Variants in IL15RA observed in about 807,000 individuals in gnomAD.
The protein encoded by IL15RA is interleukin-15 receptor subunit alpha.
In IL15RA, 26 loss-of-function variants were observed where a neutral mutation model predicts 24.2. The ratio of observed to expected loss-of-function variants is 1.07; its 90% CI spans 0.79 to 1.49. The LOEUF (loss-of-function observed/expected upper bound fraction) is 1.49, where lower values mean the gene tolerates loss of function less well. Among genes scored for constraint, IL15RA ranks in the 40% most tolerant of loss-of-function variants. The probability of loss-of-function intolerance (pLI) is 0.00; values close to 1 mark genes in which losing one functional copy is unlikely to be tolerated. For synonymous variants in IL15RA, 166 were observed against 157.6 expected, an observed-to-expected ratio of 1.05 and a Z score of -0.40; for missense variants, 354 against 356.4, an observed-to-expected ratio of 0.99 and a Z score of 0.05.
rs536206265 is a variant in IL15RA at position 5,965,865 on chromosome 10, C to A, written c.283+280G>T. ...CCTCCCAAGTAGCTGGGATTACAGGCGCCTGCCACCACGCCCGGCTACTTT... is the reference window on the plus strand; with the variant it reads ...CCTCCCAAGTAGCTGGGATTACAGGAGCCTGCCACCACGCCCGGCTACTTT... On this transcript the variant is annotated intron_variant, in intron 2 of 6. Coordinates refer to ENST00000379977, the MANE Select transcript of IL15RA (RefSeq NM_002189.4). This position sits in a 1 kb window ranked among gnomAD's most constrained non-coding sequence, Gnocchi z 5.8. Among the ~76,000 whole-genome samples the A allele has an allele frequency of 1.7e-3, 262 of 152,228 alleles. No homozygotes were observed. The highest frequency in any genetic ancestry group is 3.0e-3 in the Non-Finnish European group (205 of 68,024).
At position 5,977,338 on chromosome 10, in the gene IL15RA, C is replaced by T. The variant is rs568145524; in HGVS notation, c.88+67G>A. ...GCCCGGGGAGATGGGGCGCCCGGTT[C>T]CCTCCAGCTCCACGTCCCGGCCCCC... is the stretch of plus-strand genomic sequence containing the variant. On this transcript the variant is annotated intron_variant, in intron 1 of 6. Transcript: ENST00000379977. 6 of 754,392 alleles carry T rather than the reference C, an allele frequency of 8.0e-6. No individual in the cohort carries two copies. In the Admixed American group the frequency reaches 2.6e-4, roughly 33 times the overall value. The allele number at this position is 754,392 out of a possible 1,614,324, so 46.7% of individuals were successfully genotyped here.
chr10:5,966,720 G>A lies in IL15RA; in HGVS notation c.89-381C>T, dbSNP rs2132534411. Among the ~76,000 whole-genome samples the A allele has an allele frequency of 6.6e-6, 1 of 152,174 alleles. No individual in the cohort carries two copies. ...GCAAGTGCCTCCAGATAGGCCCCCT[G>A]CAGGCTCTCCCACAGGTCTCTGCGG... On this transcript the variant is annotated intron_variant, in intron 1 of 6. Transcript: ENST00000379977. This position sits in a 1 kb window ranked among gnomAD's most constrained non-coding sequence, Gnocchi z 6.4.
chr10:5,951,220 AC>A (rs768919182), downstream of IL15RA, among the ~76,000 whole-genome samples: 1 of 148,652 alleles, frequency 6.7e-6, no homozygotes, highest in Non-Finnish European at 1.5e-5. Flanking sequence ...AGTCCCAGCT[AC>A]TCCAGAGGCT....
downstream of IL15RA, among the ~76,000 whole-genome samples, chr10:5,951,159 AAAAAAAAAAAAAAAT>A (rs1383484614): frequency 5.4e-5 from 8 of 149,380 alleles, no homozygotes; most frequent in East Asian, 2.0e-4. Context: ...AAAAAAAAAA[AAAAAAAAAAAAAAAT>A]ATTAGCCAGG....
rs533422693 is a variant in IL15RA at position 5,960,716 on chromosome 10, T to C, written c.383-149A>G. The C allele has an allele frequency of 1.8e-4, 121 of 677,198 alleles. 1 individual carries two copies. In the Middle Eastern group the frequency reaches 2.0e-3, roughly 11 times the overall value. 41.9% of individuals were successfully genotyped at this position (677,198 alleles called of 1,614,324 possible). On this transcript the variant is annotated intron_variant, in intron 3 of 6. Coordinates refer to ENST00000379977, the MANE Select transcript of IL15RA (RefSeq NM_002189.4). This position sits in a 1 kb window ranked among gnomAD's most constrained non-coding sequence, Gnocchi z 5.1. ...CCAACTGCTCCTTGAGAGGGTGACA[T>C]AGCCGTTCCTCTGGAAGGGCCATAG...
rs542852900 is a variant in IL15RA, at chr10:5,966,829, G to A, written c.89-490C>T. Among the ~76,000 whole-genome samples, 6 of 152,110 alleles carry A rather than the reference G, an allele frequency of 3.9e-5. No individual in the cohort carries two copies. The highest frequency in any genetic ancestry group is 2.1e-4 in the South Asian group (1 of 4,800). ...TTATTAAAAATACAAAAAATTAGCCGGGCGTGGTGGCAGGCGCCTGTAATC... is the reference window on the plus strand; with the variant it reads ...TTATTAAAAATACAAAAAATTAGCCAGGCGTGGTGGCAGGCGCCTGTAATC... On this transcript the variant is annotated intron_variant, in intron 1 of 6. Coordinates refer to ENST00000379977, the MANE Select transcript of IL15RA (RefSeq NM_002189.4). The surrounding 1 kb of genome is among the most constrained non-coding windows in gnomAD (Gnocchi z 6.4).
intron 5 of IL15RA, among the ~76,000 whole-genome samples, chr10:5,956,663 AGTC>A: frequency 6.6e-6 from 1 of 152,332 alleles, no homozygotes; most frequent in South Asian, 2.1e-4. Context: ...GCCAGCTCCC[AGTC>A]GTCCCACACC....
chr10:5,949,206 CAGAG>C (rs778715086), downstream of IL15RA: 1 of 471,188 alleles, frequency 2.1e-6, no homozygotes, highest in South Asian at 1.5e-5. The surrounding 1 kb of genome is among the most constrained non-coding windows in gnomAD (Gnocchi z 4.4). Flanking sequence ...TTGTAATTGA[CAGAG>C]AGCCTCAGGT....
rs1835846338 is a variant in IL15RA at position 5,962,914 on chromosome 10, AC to A, written c.382+828del. Among the ~76,000 whole-genome samples the A allele has an allele frequency of 6.6e-6, 1 of 152,214 alleles. No homozygotes were observed. Among genetic ancestry groups the A allele is most frequent in the Non-Finnish European group, 1.5e-5 (1 of 68,044 alleles). ...ATCCAAGATTTCAAATTTTCTGAAC[AC>A]TGAGAAAGCGCTGAGGAAATTGGGC... On this transcript the variant is annotated intron_variant, in intron 3 of 6. Transcript: ENST00000379977. This position sits in a 1 kb window ranked among gnomAD's most constrained non-coding sequence, Gnocchi z 5.2.
chr10:5,960,514 T>G lies in IL15RA; in HGVS notation c.436A>C (p.Ile146Leu), dbSNP rs779785091. ...GGCATCAGCTGGGAGCCCGGGACAA[T>G]AGCTGCTGTTGTGGCCGCTGTGTTG... ...SNNTAATTAAIVPGSQLMPSK... is the reference protein window; with the variant it reads ...SNNTAATTAALVPGSQLMPSK... The change falls in exon 4 of 7, where the codon ATT becomes CTT. Residue 146 changes from isoleucine to leucine, a missense_variant. Ile to Leu is a conservative substitution (Grantham distance 5). Transcript: ENST00000379977. The surrounding 1 kb of genome is among the most constrained non-coding windows in gnomAD (Gnocchi z 5.1). The G allele has an allele frequency of 1.9e-6, 3 of 1,614,014 alleles. No homozygotes were observed. Among genetic ancestry groups the G allele is most frequent in the Non-Finnish European group, 2.5e-6 (3 of 1,180,016 alleles).
At position 5,967,231 on chromosome 10, in the gene IL15RA, A is replaced by G. The variant is rs1836730364; in HGVS notation, c.89-892T>C. Among the ~76,000 whole-genome samples, 1 of 151,702 alleles carries G rather than the reference A, an allele frequency of 6.6e-6. No homozygotes were observed. The highest frequency in any genetic ancestry group is 1.5e-5 in the Non-Finnish European group (1 of 67,982). On this transcript the variant is annotated intron_variant, in intron 1 of 6. Transcript: ENST00000379977. The surrounding 1 kb of genome is among the most constrained non-coding windows in gnomAD (Gnocchi z 4.4). ...GCCTTGCCTTTCTTTTTTGAGACGG[A>G]GTTTCACTCTGTCACCAGGCTGGAG...
At chr10:5,956,268 G>A (rs1834500957) in intron 6 of IL15RA, 111 bp downstream of exon 6, 1 of 797,182 alleles carries the variant, frequency 1.3e-6, no homozygotes. Context: ...GCCCGCCTTG[G>A]CCTCCCAAAG....
rs1835735820 is a variant in IL15RA, at chr10:5,962,404, C to A, written c.382+1339G>T. ...GTCAGGAGTTTGAGACCAGACTGAC[C>A]AACATGGTGAAACCCTGTCTCTACT... On this transcript the variant is annotated intron_variant, in intron 3 of 6. Coordinates refer to ENST00000379977, the MANE Select transcript of IL15RA (RefSeq NM_002189.4). The surrounding 1 kb of genome is among the most constrained non-coding windows in gnomAD (Gnocchi z 5.2). Among the ~76,000 whole-genome samples the A allele has an allele frequency of 1.3e-5, 2 of 152,024 alleles. No individual in the cohort carries two copies. Among genetic ancestry groups the A allele is most frequent in the African/African-American group, 4.8e-5 (2 of 41,384 alleles).
chr10:5,957,400 C>G (rs796408468), intron 5 of IL15RA, among the ~76,000 whole-genome samples: 1 of 151,544 alleles, frequency 6.6e-6, no homozygotes, highest in Non-Finnish European at 1.5e-5. Context: ...CTCAGCCTCC[C>G]GAGTAGCTGG....
chr10:5,959,790 C>A lies in IL15RA; in HGVS notation c.584-4G>T. ...CTGTGGCCCTGTGGATACACACCTGCGGAAAAGAGAGGACAGCATCACGGC... is the reference window on the plus strand; with the variant it reads ...CTGTGGCCCTGTGGATACACACCTGAGGAAAAGAGAGGACAGCATCACGGC... On this transcript the variant is annotated splice_polypyrimidine_tract_variant and splice_region_variant and intron_variant, in intron 4 of 6. Transcript: ENST00000379977. The surrounding 1 kb of genome is among the most constrained non-coding windows in gnomAD (Gnocchi z 4.1). The A allele has an allele frequency of 6.2e-7, 1 of 1,613,812 alleles. No homozygotes were observed. The highest frequency in any genetic ancestry group is 8.5e-7 in the Non-Finnish European group (1 of 1,179,866).
upstream of IL15RA, among the ~76,000 whole-genome samples, chr10:5,978,542 A>G (rs910973981): frequency 1.3e-5 from 2 of 152,226 alleles, no homozygotes; most frequent in Non-Finnish European, 2.9e-5. The surrounding 1 kb of genome is among the most constrained non-coding windows in gnomAD (Gnocchi z 5.2). Flanking sequence ...ATAATCCCCC[A>G]AGACACAGGT....
downstream of IL15RA, among the ~76,000 whole-genome samples, chr10:5,951,952 G>A (rs541405274): frequency 2.6e-5 from 4 of 152,230 alleles, no homozygotes; most frequent in East Asian, 1.9e-4. Context: ...GAGTCACTGC[G>A]CCCAGTGTCC....
chr10:5,950,809 G>A (rs1833807851), downstream of IL15RA: 1 of 152,558 alleles, frequency 6.6e-6, no homozygotes, highest in Admixed American at 6.5e-5. This position sits in a 1 kb window ranked among gnomAD's most constrained non-coding sequence, Gnocchi z 5.6. Flanking sequence ...CTCTGATTTT[G>A]ATGAAGGCAT....
At chr10:5,956,493 C>T (rs138544981) in intron 5 of IL15RA, 39 bp from the exon 6 acceptor site, 2 of 1,469,422 alleles carry the variant, frequency 1.4e-6, no homozygotes, top group African/African-American at 2.8e-5. Context: ...CCCAGAAGCA[C>T]ATTCATTGCT....
Sources: gnomAD v4.1 joint callset for allele counts (sites outside exome capture counted in the v4.1 genomes callset) on GRCh38, gnomAD v4.1.1 for gene constraint, Gnocchi (gnomAD v3.1) non-coding constraint, MANE v1.5 for transcripts, NCBI Gene and HGNC (gene_info 2026-07-23, HGNC 2026-07-21) for gene names.